The following SPMIP2 variants were observed in gnomAD, a reference collection of about 807,000 sequenced individuals.
SPMIP2 encodes sperm microtubule inner protein 2, also known as protein SPMIP2.
chr4:159,044,985 G>C, the SPMIP2 span, among the ~76,000 whole-genome samples: 1 of 152,136 alleles, frequency 6.6e-6, no homozygotes, highest in Non-Finnish European at 1.5e-5. Context: ...CAGCTACTCA[G>C]GAGGCTGAGG....
chr4:159,074,138 A>C, the SPMIP2 span, among the ~76,000 whole-genome samples: 1 of 152,238 alleles, frequency 6.6e-6, no homozygotes, highest in African/African-American at 2.4e-5. Context: ...TCACTGAATT[A>C]TTCAAAACAA....
chr4:159,033,005 T>C, the SPMIP2 span, among the ~76,000 whole-genome samples: 1 of 152,130 alleles, frequency 6.6e-6, no homozygotes, highest in Non-Finnish European at 1.5e-5. Context: ...TAAATGTACA[T>C]AGAAGCATTT....
At chr4:159,048,148 C>T in the SPMIP2 span, among the ~76,000 whole-genome samples, 1,529 of 152,164 alleles carry the variant, frequency 0.01, 99 homozygotes, top group Admixed American at 0.092. Context: ...GTAATCATAC[C>T]TCCTCCAAAG....
the SPMIP2 span, among the ~76,000 whole-genome samples, chr4:159,052,938 CTATTAT>C: frequency 2.4e-4 from 30 of 127,098 alleles, no homozygotes; most frequent in African/African-American, 8.4e-4. Flanking sequence ...GCCTGGTCGA[CTATTAT>C]TATTATTATT....
the SPMIP2 span, among the ~76,000 whole-genome samples, chr4:158,953,559 G>A: frequency 3.3e-5 from 5 of 152,218 alleles, no homozygotes; most frequent in Admixed American, 6.5e-5. Flanking sequence ...CCCTACTGGG[G>A]CACTGCCTAG....
the SPMIP2 span, among the ~76,000 whole-genome samples, chr4:159,011,937 C>G: frequency 6.6e-6 from 1 of 150,856 alleles, no homozygotes; most frequent in Non-Finnish European, 1.5e-5. Flanking sequence ...GTGGTGTGCA[C>G]CTGTAATACT....
chr4:158,953,341 G>A, the SPMIP2 span, among the ~76,000 whole-genome samples: 87,593 of 152,132 alleles, frequency 0.58, 27,741 homozygotes, highest in East Asian at 0.88. Flanking sequence ...TTCAGAAGGT[G>A]CAAGCCCCAA....
the SPMIP2 span, among the ~76,000 whole-genome samples, chr4:158,911,065 G>T: frequency 1.4e-4 from 22 of 152,258 alleles, no homozygotes; most frequent in Admixed American, 1.3e-3. Flanking sequence ...ATCATAAACA[G>T]TACCAACTTA....
At chr4:158,929,880 A>G in the SPMIP2 span, among the ~76,000 whole-genome samples, 2 of 152,066 alleles carry the variant, frequency 1.3e-5, no homozygotes, top group Non-Finnish European at 2.9e-5. Context: ...AGTGCCCTTT[A>G]TTTCTTCATG....
chr4:158,939,949 T>C, the SPMIP2 span, among the ~76,000 whole-genome samples: 1 of 152,246 alleles, frequency 6.6e-6, no homozygotes, highest in Non-Finnish European at 1.5e-5. Flanking sequence ...TCTTATTTCC[T>C]ATACATTGTC....
At chr4:159,017,988 G>A in the SPMIP2 span, among the ~76,000 whole-genome samples, 51,937 of 152,078 alleles carry the variant, frequency 0.34, 9,520 homozygotes, top group Middle Eastern at 0.4. Context: ...CACAGTCAGC[G>A]GGCTTTAAAC....
the SPMIP2 span, among the ~76,000 whole-genome samples, chr4:159,035,612 A>G: frequency 1.3e-5 from 2 of 152,248 alleles, no homozygotes; most frequent in Non-Finnish European, 2.9e-5. Context: ...ACACAAATAT[A>G]TATAGATATA....
chr4:159,069,717 C>T, the SPMIP2 span, among the ~76,000 whole-genome samples: 1 of 151,922 alleles, frequency 6.6e-6, no homozygotes, highest in Non-Finnish European at 1.5e-5. Flanking sequence ...TTTCTCATAC[C>T]CTTTAGAAAC....
chr4:159,059,133 A>G, the SPMIP2 span, among the ~76,000 whole-genome samples: 1 of 152,224 alleles, frequency 6.6e-6, no homozygotes, highest in Non-Finnish European at 1.5e-5. Flanking sequence ...AAAAGACAAT[A>G]GCACAAGTTG....
the SPMIP2 span, among the ~76,000 whole-genome samples, chr4:158,931,173 T>G: frequency 6.6e-6 from 1 of 152,202 alleles, no homozygotes; most frequent in Non-Finnish European, 1.5e-5. Flanking sequence ...CACTGATTAC[T>G]TTTTGACAGC....
the SPMIP2 span, among the ~76,000 whole-genome samples, chr4:159,003,266 T>C: frequency 2.0e-5 from 3 of 152,326 alleles, no homozygotes; most frequent in Non-Finnish European, 4.4e-5. Flanking sequence ...GAATGGGCCA[T>C]ACTCCAGCTG....
chr4:159,030,467 A>T, the SPMIP2 span, among the ~76,000 whole-genome samples: 6 of 4,480 alleles, frequency 1.3e-3, no homozygotes, highest in African/African-American at 4.1e-3. Context: ...GCAAAATTTT[A>T]TTTATTTATT....
At chr4:158,920,920 T>C in the SPMIP2 span, among the ~76,000 whole-genome samples, 1 of 152,210 alleles carries the variant, frequency 6.6e-6, no homozygotes, top group African/African-American at 2.4e-5. Flanking sequence ...AATAAAAAAC[T>C]TGCTGGTTTG....
the SPMIP2 span, among the ~76,000 whole-genome samples, chr4:158,956,940 T>C: frequency 6.6e-6 from 1 of 152,152 alleles, no homozygotes; most frequent in Non-Finnish European, 1.5e-5. Flanking sequence ...TATTTATTTA[T>C]TTTTTTCTTG....
Sources: gnomAD v4.1 joint callset for allele counts (sites outside exome capture counted in the v4.1 genomes callset) on GRCh38, gnomAD v4.1.1 for gene constraint, MANE v1.5 for transcripts, NCBI Gene and HGNC (gene_info 2026-07-23, HGNC 2026-07-21) for gene names.